CCL24: variants seen among roughly 807,000 people sequenced by gnomAD.
CCL24 encodes the protein C-C motif chemokine ligand 24.
In CCL24, 6 loss-of-function variants were observed where a neutral mutation model predicts 8.6. The ratio of observed to expected loss-of-function variants is 0.70; its 90% CI spans 0.38 to 1.38. The LOEUF (loss-of-function observed/expected upper bound fraction) is 1.38, where lower values mean the gene tolerates loss of function less well. CCL24 is among the 40% of genes most tolerant of loss of function. The pLI is 0.02. For synonymous variants in CCL24, 59 were observed against 52.7 expected (o/e 1.12, Z -0.52); for missense variants, 126 against 147.1 (o/e 0.86, Z 0.74).
At chr7:75,822,410 C>T (rs118019677) in intron 1 of CCL24, among the ~76,000 whole-genome samples, 2,153 of 152,208 alleles carry the variant, frequency 0.014, 21 homozygotes, top group Non-Finnish European at 0.022. Flanking sequence ...AGGGAGTAGG[C>T]CTCAAGCTTC....
At position 75,811,969 on chromosome 7, in the gene CCL24, G is replaced by A. The variant is rs782616979; in HGVS notation, c.192-5C>T. 1.1e-5 allele frequency: 18 copies of A among 1,610,042 alleles called. No homozygotes were observed. The South Asian group carries it at 1.8e-4, about 16-fold the overall frequency. The stretch of plus-strand genomic sequence containing the variant: ...TGGCCCTTCTTGGTGGTGAAGCTGT[G>A]GAAGAAAGGGACAGGGGATCAGCTG... On this transcript the variant is annotated splice_region_variant and splice_polypyrimidine_tract_variant and intron_variant, in intron 2 of 2. Coordinates refer to ENST00000222902, the MANE Select transcript of CCL24 (RefSeq NM_002991.3).
At chr7:75,814,758 C>T (rs1380386058), upstream of CCL24, among the ~76,000 whole-genome samples, 3 of 152,002 alleles carry the variant, frequency 2.0e-5, no homozygotes, top group Non-Finnish European at 2.9e-5. Flanking sequence ...CCTGGAAATT[C>T]ACATCCTCTG....
In CCL24 at chr7:75,820,130, T is replaced by TCTCCTCCTCCTC. The variant is rs1212625006; in HGVS notation, c.-60+3180_-60+3191dup. The stretch of plus-strand genomic sequence containing the variant: ...TCCTTCTTCTTCTTCTTCTTCTTCT[T>TCTCCTCCTCCTC]CTCCTCCTCCTCCTCCTCCTCCTTC... On this transcript the variant is annotated intron_variant, in intron 1 of 3. Transcript: ENST00000416943. 3.2e-4 allele frequency among the ~76,000 whole-genome samples: 26 copies of TCTCCTCCTCCTC among 81,374 alleles called. 1 individual carries two copies. Among genetic ancestry groups the TCTCCTCCTCCTC allele is most frequent in the Non-Finnish European group, 2.4e-4 (8 of 32,686 alleles). The allele number at this position is 81,374 out of a possible 152,430, so 53.4% of individuals were successfully genotyped here. A position where few individuals can be genotyped will look rare whatever the true frequency, so the allele number is the denominator to read the frequency against.
chr7:75,818,946 T>C (rs573410482), intron 1 of CCL24, among the ~76,000 whole-genome samples: 72 of 151,276 alleles, frequency 4.8e-4, no homozygotes, highest in African/African-American at 1.7e-3. Context: ...ACTTTATATA[T>C]ATATATATTA....
At chr7:75,812,112 G>A in intron 2 of CCL24, 148 bp from the exon 3 acceptor site, 1 of 632,666 alleles carries the variant, frequency 1.6e-6, no homozygotes, top group African/African-American at 1.8e-5. Flanking sequence ...TTTGACACAG[G>A]GTCTCACTCT....
chr7:75,819,139 A>C (rs970686278), intron 1 of CCL24, among the ~76,000 whole-genome samples: 1 of 147,820 alleles, frequency 6.8e-6, no homozygotes, highest in Non-Finnish European at 1.5e-5. Context: ...GTGGTGGCAC[A>C]TGACTGTAAT....
chr7:75,813,481 C>A, intron 1 of CCL24, 58 bp from the exon 2 acceptor site: 1 of 1,369,956 alleles, frequency 7.3e-7, no homozygotes, highest in Admixed American at 1.7e-5. Flanking sequence ...TGGCTCTGGG[C>A]CTCAGAGCTG....
At chr7:75,820,106 C>CCT (rs1563353977) in intron 1 of CCL24, among the ~76,000 whole-genome samples, 66 of 71,954 alleles carry the variant, frequency 9.2e-4, no homozygotes, top group Admixed American at 1.5e-3. Flanking sequence ...TCTTCTTCTT[C>CCT]CTTCTTCTTC....
At chr7:75,819,283 AAAAAAAAAAAAAAAAAAAAAATATAT>A (rs1803962695) in intron 1 of CCL24, among the ~76,000 whole-genome samples, 1 of 23,840 alleles carries the variant, frequency 4.2e-5, no homozygotes, top group African/African-American at 1.5e-4. Context: ...AAAAAAAAAA[AAAAAAAAAAAAAAAAAAAAAATATAT>A]ATATATATAT....
At position 75,813,670 on chromosome 7, in the gene CCL24, C is replaced by G; in HGVS notation, c.46G>C (p.Val16Leu). The G allele has an allele frequency of 6.2e-7, 1 of 1,614,060 alleles. No homozygotes were observed. The highest frequency in any genetic ancestry group is 8.5e-7 in the Non-Finnish European group (1 of 1,179,912). The change falls in exon 1 of 3, where the codon GTC becomes CTC. Residue 16 changes from valine to leucine, a missense_variant. Transcript: ENST00000222902. ...TIVTSLLFLGVCAHHIIPTGS... is the reference protein window; with the variant it reads ...TIVTSLLFLGLCAHHIIPTGS... ...GTAGGGATGATGTGGTGGGCACAGA[C>G]ACCAAGGAACAGAAGGCTGGTTACT...
At chr7:75,818,197 C>T (rs574055320), upstream of CCL24, among the ~76,000 whole-genome samples, 26 of 152,024 alleles carry the variant, frequency 1.7e-4, no homozygotes, top group African/African-American at 5.1e-4. Context: ...CCCTGTTTTA[C>T]GAGGGAAGAG....
intron 1 of CCL24, among the ~76,000 whole-genome samples, chr7:75,820,019 C>CTTCTTCTTCTT (rs1308478559): frequency 7.7e-5 from 1 of 12,996 alleles, no homozygotes; most frequent in East Asian, 1.7e-3. Flanking sequence ...TAGTAAACTA[C>CTTCTTCTTCTT]TTCTTCTTCT....
intron 1 of CCL24, among the ~76,000 whole-genome samples, chr7:75,820,015 A>ACTTCTTCTTCTTCTT (rs1169565703): frequency 2.4e-5 from 2 of 84,468 alleles, no homozygotes; most frequent in Admixed American, 1.1e-4. Flanking sequence ...CTTTTAGTAA[A>ACTTCTTCTTCTTCTT]CTACTTCTTC....
rs185700403 is a variant in CCL24 at position 75,812,791 on chromosome 7, A to C, written c.191+515T>G. On this transcript the variant is annotated intron_variant, in intron 2 of 2. Coordinates refer to ENST00000222902, the MANE Select transcript of CCL24 (RefSeq NM_002991.3). ...CTAAAAATACAAAAATTAGCCGGGC[A>C]TGGTGGTGCGTACCTGTAATCCCAG... is the stretch of plus-strand genomic sequence containing the variant. Among the ~76,000 whole-genome samples, 320 of 152,176 alleles carry C rather than the reference A, an allele frequency of 2.1e-3. 1 individual carries two copies. Among genetic ancestry groups the C allele is most frequent in the Non-Finnish European group, 3.4e-3 (230 of 67,990 alleles).
intron 1 of CCL24, among the ~76,000 whole-genome samples, chr7:75,821,556 G>T (rs1253889601): frequency 6.6e-6 from 1 of 152,162 alleles, no homozygotes; most frequent in African/African-American, 2.4e-5. Flanking sequence ...AAAACAGTCT[G>T]CAGGGGCTGT....
chr7:75,811,606 C>A lies in CCL24; in HGVS notation c.*190G>T. 1.9e-6 allele frequency: 1 copy of A among 519,322 alleles called. No individual in the cohort carries two copies. The highest frequency in any genetic ancestry group is 3.0e-5 in the South Asian group (1 of 33,240). The allele number at this position is 519,322 out of a possible 1,614,324, so 32.2% of individuals were successfully genotyped here. A position where few individuals can be genotyped will look rare whatever the true frequency, so the allele number is the denominator to read the frequency against. The stretch of plus-strand genomic sequence containing the variant: ...GGCAAGGGGCCTTGGATGCTTGGAG[C>A]CATTGCTCAGCCCCCGGGAACCACA... On this transcript the variant is annotated 3_prime_UTR_variant, in exon 3 of 3. Coordinates refer to ENST00000222902, the MANE Select transcript of CCL24 (RefSeq NM_002991.3).
upstream of CCL24, among the ~76,000 whole-genome samples, chr7:75,817,391 G>A (rs143930230): frequency 4.1e-3 from 618 of 152,218 alleles, 3 homozygotes; most frequent in African/African-American, 0.014. Context: ...TGTTGCAACA[G>A]GAGTGGGCGA....
At chr7:75,820,086 T>TTCTTCC (rs1563353902) in intron 1 of CCL24, among the ~76,000 whole-genome samples, 129 of 133,600 alleles carry the variant, frequency 9.7e-4, no homozygotes, top group African/African-American at 3.2e-3. Flanking sequence ...CTTCTTCTTC[T>TTCTTCC]TCCTCTTCTT....
chr7:75,820,953 ATCCATCCATCCC>A (rs1554535035), intron 1 of CCL24, among the ~76,000 whole-genome samples: 1 of 151,832 alleles, frequency 6.6e-6, no homozygotes, highest in Non-Finnish European at 1.5e-5. Context: ...CCATCCATCC[ATCCATCCATCCC>A]TCATCGAACC....
Sources: gnomAD v4.1 joint callset for allele counts (sites outside exome capture counted in the v4.1 genomes callset) on GRCh38, gnomAD v4.1.1 for gene constraint, MANE v1.5 for transcripts, NCBI Gene and HGNC (gene_info 2026-07-23, HGNC 2026-07-21) for gene names.